RNGTT: variants seen among roughly 807,000 people sequenced by gnomAD.
RNGTT encodes the protein mRNA-capping enzyme.
A neutral mutation model predicts 79.3 loss-of-function variants in RNGTT; 33 were observed. That is an observed-to-expected ratio of 0.42 (90% CI 0.32 to 0.56). RNGTT has a LOEUF of 0.56. Ranked by LOEUF, RNGTT falls within the 20% of genes least tolerant of loss-of-function variation. RNGTT has a pLI of 0.17. For missense variants in RNGTT, 497 were observed against 739.1 expected, an observed-to-expected ratio of 0.67 and a Z score of 3.80; for synonymous variants, 222 against 235.9, an observed-to-expected ratio of 0.94 and a Z score of 0.54.
intron 14 of RNGTT, among the ~76,000 whole-genome samples, chr6:88,656,664 G>C (rs1458252702): frequency 1.3e-5 from 2 of 151,970 alleles, no homozygotes; most frequent in African/African-American, 4.8e-5. Context: ...GTTTTCACAG[G>C]ATTTTGAAAG....
chr6:88,671,670 A>C (rs1001519152), intron 14 of RNGTT, among the ~76,000 whole-genome samples: 5 of 152,216 alleles, frequency 3.3e-5, no homozygotes, highest in African/African-American at 7.2e-5. Flanking sequence ...AAAAACAACA[A>C]ATCTGGAGGC....
At chr6:88,737,352 C>T (rs967630874) in intron 13 of RNGTT, among the ~76,000 whole-genome samples, 1 of 152,142 alleles carries the variant, frequency 6.6e-6, no homozygotes, top group South Asian at 2.1e-4. Context: ...CGAGTCTTAC[C>T]CCTTTCCACT....
intron 14 of RNGTT, among the ~76,000 whole-genome samples, chr6:88,675,355 C>A (rs1774829721): frequency 6.6e-6 from 1 of 151,974 alleles, no homozygotes; most frequent in Non-Finnish European, 1.5e-5. Flanking sequence ...CTGTTCTTGC[C>A]ATTTCTACTC....
chr6:88,822,040 G>A (rs533979517), intron 11 of RNGTT, among the ~76,000 whole-genome samples: 2 of 152,306 alleles, frequency 1.3e-5, no homozygotes, highest in African/African-American at 4.8e-5. Flanking sequence ...GTTAAGTGCT[G>A]TGCAGTCAGG....
intron 11 of RNGTT, among the ~76,000 whole-genome samples, chr6:88,838,159 A>G (rs1255235877): frequency 6.6e-6 from 1 of 152,192 alleles, no homozygotes; most frequent in Non-Finnish European, 1.5e-5. Flanking sequence ...AGCTAACATC[A>G]TATTTAATAG....
chr6:88,614,041 T>G (rs963383321), intron 15 of RNGTT, among the ~76,000 whole-genome samples: 2 of 152,240 alleles, frequency 1.3e-5, no homozygotes, highest in African/African-American at 4.8e-5. Context: ...TCCTGCCCTT[T>G]AAACTTCTCT....
At chr6:88,757,252 C>T (rs1778050714) in intron 13 of RNGTT, among the ~76,000 whole-genome samples, 1 of 152,012 alleles carries the variant, frequency 6.6e-6, no homozygotes, top group South Asian at 2.1e-4. Flanking sequence ...GAGAAAAGAT[C>T]CACAACAAAT....
intron 6 of RNGTT, among the ~76,000 whole-genome samples, 169 bp from the exon 7 acceptor site, chr6:88,892,084 A>G (rs1366947576): frequency 3.3e-5 from 5 of 152,074 alleles, no homozygotes; most frequent in African/African-American, 1.2e-4. Context: ...AAGATTGTAC[A>G]CTAGTTTTCC....
At chr6:88,888,314 A>G (rs1428963878) in intron 8 of RNGTT, among the ~76,000 whole-genome samples, 1 of 152,152 alleles carries the variant, frequency 6.6e-6, no homozygotes, top group African/African-American at 2.4e-5. Flanking sequence ...TTGTTAAGAC[A>G]TTTTTACGTA....
chr6:88,614,496 T>A, intron 14 of RNGTT, 101 bp from the exon 15 acceptor site: 1 of 1,087,710 alleles, frequency 9.2e-7, no homozygotes, highest in Non-Finnish European at 1.4e-6. Context: ...AATACCTCAG[T>A]AACTCTTCAT....
At chr6:88,623,853 G>A (rs1186733454) in intron 14 of RNGTT, among the ~76,000 whole-genome samples, 1 of 151,960 alleles carries the variant, frequency 6.6e-6, no homozygotes, top group African/African-American at 2.4e-5. Context: ...GAACCAATAA[G>A]TTTAACAAGG....
chr6:88,723,421 C>T (rs1442787216), intron 13 of RNGTT, among the ~76,000 whole-genome samples: 1 of 152,162 alleles, frequency 6.6e-6, no homozygotes, highest in Non-Finnish European at 1.5e-5. Flanking sequence ...TCTCTACAGC[C>T]CCTGCCTCTT....
intron 8 of RNGTT, among the ~76,000 whole-genome samples, chr6:88,860,383 C>T (rs1430089101): frequency 6.6e-6 from 1 of 152,138 alleles, no homozygotes; most frequent in Non-Finnish European, 1.5e-5. Context: ...CCAGATTTTC[C>T]CTACCCCTAG....
chr6:88,655,075 G>T (rs1330832209), intron 14 of RNGTT, among the ~76,000 whole-genome samples: 2 of 152,070 alleles, frequency 1.3e-5, no homozygotes, highest in East Asian at 3.9e-4. Context: ...GTTTCTTTTA[G>T]TAAAAATAAG....
At chr6:88,931,028 T>C (rs1784498490) in intron 2 of RNGTT, among the ~76,000 whole-genome samples, 1 of 152,124 alleles carries the variant, frequency 6.6e-6, no homozygotes, top group African/African-American at 2.4e-5. Flanking sequence ...GCATTATACT[T>C]ACAGGTTGAG....
intron 11 of RNGTT, among the ~76,000 whole-genome samples, chr6:88,812,624 A>G (rs1780177197): frequency 6.6e-6 from 1 of 152,204 alleles, no homozygotes; most frequent in Non-Finnish European, 1.5e-5. Flanking sequence ...AAATGTCTAT[A>G]CGTGCCAGGC....
chr6:88,868,315 G>A (rs1004791583), intron 8 of RNGTT, among the ~76,000 whole-genome samples: 11 of 152,160 alleles, frequency 7.2e-5, no homozygotes, highest in Non-Finnish European at 1.6e-4. Flanking sequence ...CATAGTCAAA[G>A]TTTAAATCAG....
At chr6:88,786,001 G>T (rs1452239822) in intron 12 of RNGTT, among the ~76,000 whole-genome samples, 3 of 152,072 alleles carry the variant, frequency 2.0e-5, no homozygotes, top group Non-Finnish European at 4.4e-5. Context: ...CTACTTGAAA[G>T]TAAATAACTC....
intron 14 of RNGTT, among the ~76,000 whole-genome samples, chr6:88,672,834 G>A (rs1221008805): frequency 6.6e-6 from 1 of 152,154 alleles, no homozygotes; most frequent in East Asian, 1.9e-4. Context: ...TCTTTATGTA[G>A]GGCTTAGATA....
Sources: allele counts gnomAD v4.1 joint callset (sites outside exome capture counted in the v4.1 genomes callset), GRCh38; gene constraint gnomAD v4.1.1; transcripts MANE v1.5; gene names NCBI Gene and HGNC (gene_info 2026-07-23, HGNC 2026-07-21).